Variants in SPAG16 observed in about 807,000 individuals in gnomAD.
SPAG16 encodes sperm associated antigen 16, also known as sperm-associated antigen 16 protein.
Under a neutral mutation model 80.4 loss-of-function variants are expected in SPAG16, and 86 were observed. The ratio of observed to expected loss-of-function variants is 1.07; its 90% CI spans 0.90 to 1.28. SPAG16 has a LOEUF of 1.28. SPAG16 is among the 50% of genes most tolerant of loss of function. The pLI is 0.00. For synonymous variants in SPAG16, 294 were observed against 265.9 expected (o/e 1.11, Z -1.03); for missense variants, 870 against 765.3 (o/e 1.14, Z -1.61).
chr2:213,285,905 C>G, intron 1 of SPAG16: 1 of 1,289,522 alleles, frequency 7.8e-7, no homozygotes, highest in Non-Finnish European at 1.0e-6. Context: ...ATCCAGTGCC[C>G]TTGCTACTGA....
At chr2:213,771,239 G>T (rs1380354834) in intron 10 of SPAG16, among the ~76,000 whole-genome samples, 1 of 151,910 alleles carries the variant, frequency 6.6e-6, no homozygotes, top group Admixed American at 6.6e-5. Flanking sequence ...TCGTATGTTT[G>T]CTGGATGCAT....
At chr2:213,759,643 G>C (rs1343077341) in intron 10 of SPAG16, among the ~76,000 whole-genome samples, 5 of 151,216 alleles carry the variant, frequency 3.3e-5, no homozygotes, top group Non-Finnish European at 7.4e-5. Flanking sequence ...AAGGAAATGA[G>C]AAAGAAATTT....
rs73086669 is a variant in SPAG16, at chr2:213,719,613, G to A, written c.1071-142872G>A. On this transcript the variant is annotated intron_variant, in intron 10 of 15. Transcript: ENST00000331683. ...CGAGCCAGCATTGGCAACCAGCTCC[G>A]GTCACCCACCAATTCTGGACACAAT... Among the ~76,000 whole-genome samples the A allele has an allele frequency of 2.2e-3, 336 of 152,260 alleles. 1 individual carries two copies. The highest frequency in any genetic ancestry group is 7.7e-3 in the African/African-American group (319 of 41,544).
At chr2:214,348,075 G>A (rs1331927205) in intron 15 of SPAG16, among the ~76,000 whole-genome samples, 1 of 152,160 alleles carries the variant, frequency 6.6e-6, no homozygotes, top group Non-Finnish European at 1.5e-5. Context: ...TTTGAGCAGA[G>A]TGTCTACTGT....
chr2:214,391,376 C>T (rs1701072012), intron 15 of SPAG16, among the ~76,000 whole-genome samples: 1 of 152,108 alleles, frequency 6.6e-6, no homozygotes, highest in Admixed American at 6.6e-5. Flanking sequence ...CGTATTTCTT[C>T]TGATCTGATG....
intron 10 of SPAG16, among the ~76,000 whole-genome samples, chr2:213,649,765 A>G (rs1457232094): frequency 6.6e-6 from 1 of 151,974 alleles, no homozygotes; most frequent in Admixed American, 6.6e-5. Context: ...ATTTTTTGTA[A>G]AGAAAGGTTC....
At chr2:214,043,643 C>A (rs542206187) in intron 13 of SPAG16, among the ~76,000 whole-genome samples, 1 of 152,240 alleles carries the variant, frequency 6.6e-6, no homozygotes, top group South Asian at 2.1e-4. Context: ...TACCTGGTTG[C>A]AGCTCTGGTC....
At chr2:213,394,436 T>A (rs2067932418) in intron 9 of SPAG16, among the ~76,000 whole-genome samples, 1 of 152,156 alleles carries the variant, frequency 6.6e-6, no homozygotes, top group African/African-American at 2.4e-5. Context: ...AGAGATCCCA[T>A]ACAGTCTTTA....
intron 15 of SPAG16, among the ~76,000 whole-genome samples, chr2:214,210,247 G>C (rs7566862): frequency 1.2e-4 from 18 of 151,348 alleles, no homozygotes; most frequent in African/African-American, 4.1e-4. Context: ...ATTGACCCTC[G>C]AACATGTTTG....
chr2:213,451,996 A>G (rs754392952), intron 9 of SPAG16, among the ~76,000 whole-genome samples: 1 of 144,430 alleles, frequency 6.9e-6, no homozygotes, highest in Non-Finnish European at 1.5e-5. Flanking sequence ...CAGCTTCCCT[A>G]TCTTTGTGTG....
At chr2:213,723,849 A>G (rs1360579194) in intron 10 of SPAG16, among the ~76,000 whole-genome samples, 1 of 152,242 alleles carries the variant, frequency 6.6e-6, no homozygotes, top group Non-Finnish European at 1.5e-5. Context: ...TGTCTAGATC[A>G]TTCTATAGAT....
chr2:213,575,888 G>T (rs1003734333), intron 10 of SPAG16, among the ~76,000 whole-genome samples: 6 of 152,044 alleles, frequency 3.9e-5, no homozygotes, highest in Admixed American at 1.3e-4. Context: ...ATAAGTATAT[G>T]CCACAAATCT....
At chr2:213,417,378 A>G (rs1195982673) in intron 9 of SPAG16, among the ~76,000 whole-genome samples, 2 of 152,244 alleles carry the variant, frequency 1.3e-5, no homozygotes. Flanking sequence ...CAGCTTCACA[A>G]TATCTTATAT....
At chr2:213,802,508 G>A (rs1375646486) in intron 10 of SPAG16, among the ~76,000 whole-genome samples, 2 of 151,812 alleles carry the variant, frequency 1.3e-5, no homozygotes, top group Non-Finnish European at 2.9e-5. Context: ...AATTTTCTGA[G>A]ATAGCCAACT....
chr2:213,777,955 A>G (rs2069706946), intron 10 of SPAG16, among the ~76,000 whole-genome samples: 1 of 152,150 alleles, frequency 6.6e-6, no homozygotes, highest in Non-Finnish European at 1.5e-5. Context: ...AAGAATTAGG[A>G]TCCTTGAAAA....
At chr2:214,087,254 A>G (rs963108192) in intron 13 of SPAG16, among the ~76,000 whole-genome samples, 34 of 152,190 alleles carry the variant, frequency 2.2e-4, no homozygotes, top group African/African-American at 8.0e-4. Flanking sequence ...CTATATAATA[A>G]TGTAGAAAAA....
chr2:214,084,268 A>C (rs938189178), intron 13 of SPAG16, among the ~76,000 whole-genome samples: 4 of 152,250 alleles, frequency 2.6e-5, no homozygotes, highest in Non-Finnish European at 5.9e-5. Context: ...CTTCTTTACA[A>C]AATAATTTCT....
chr2:213,875,523 A>G (rs1006717467), intron 11 of SPAG16, among the ~76,000 whole-genome samples: 2 of 152,158 alleles, frequency 1.3e-5, no homozygotes, highest in Non-Finnish European at 2.9e-5. Context: ...GAGAGGCTTC[A>G]TAGGAGTGGT....
intron 8 of SPAG16, among the ~76,000 whole-genome samples, chr2:213,373,596 A>C (rs2066748891): frequency 6.6e-6 from 1 of 152,098 alleles, no homozygotes; most frequent in East Asian, 1.9e-4. Context: ...TTCTTTGATG[A>C]AGTGGCCTTT....
Sources: gnomAD v4.1 joint callset for allele counts (sites outside exome capture counted in the v4.1 genomes callset) on GRCh38, gnomAD v4.1.1 for gene constraint, MANE v1.5 for transcripts, NCBI Gene and HGNC (gene_info 2026-07-23, HGNC 2026-07-21) for gene names.